RIT2: variants seen among roughly 807,000 people sequenced by gnomAD.
RIT2 encodes Ras like without CAAX 2.
Under a neutral mutation model 23.7 loss-of-function variants are expected in RIT2, and 24 were observed. That is an observed-to-expected ratio of 1.01 (90% CI 0.73 to 1.43). The LOEUF (loss-of-function observed/expected upper bound fraction) is 1.43, where lower values mean the gene tolerates loss of function less well. Among genes scored for constraint, RIT2 ranks in the 40% most tolerant of loss-of-function variants. The pLI, the probability that RIT2 is intolerant of heterozygous loss-of-function variation, is 0.00. For missense variants in RIT2, 236 were observed against 266.9 expected, an observed-to-expected ratio of 0.88 and a Z score of 0.81; for synonymous variants, 107 against 91.1, an observed-to-expected ratio of 1.17 and a Z score of -0.99.
intron 4 of RIT2, among the ~76,000 whole-genome samples, chr18:42,799,749 T>C (rs1057294686): frequency 6.6e-6 from 1 of 152,228 alleles, no homozygotes; most frequent in African/African-American, 2.4e-5. Context: ...GGTTTTACTT[T>C]ACTTTCTCAT....
intron 1 of RIT2, among the ~76,000 whole-genome samples, chr18:43,060,690 A>T (rs1244672581): frequency 6.6e-6 from 1 of 152,188 alleles, no homozygotes; most frequent in Non-Finnish European, 1.5e-5. Flanking sequence ...CACCCCAGTC[A>T]TCCAAAGATC....
chr18:42,921,463 C>T (rs866612511), intron 4 of RIT2, among the ~76,000 whole-genome samples: 2 of 152,092 alleles, frequency 1.3e-5, no homozygotes, highest in Non-Finnish European at 2.9e-5. Context: ...ATTCACTTCA[C>T]TGCTAATCTG....
At chr18:43,114,068 C>T (rs961131788) in intron 1 of RIT2, among the ~76,000 whole-genome samples, 4 of 152,040 alleles carry the variant, frequency 2.6e-5, no homozygotes, top group African/African-American at 2.4e-5. Flanking sequence ...TGATTCCTTC[C>T]TTCTCAAATC....
At chr18:42,751,892 A>G (rs1294584248) in intron 4 of RIT2, among the ~76,000 whole-genome samples, 1 of 152,074 alleles carries the variant, frequency 6.6e-6, no homozygotes, top group Non-Finnish European at 1.5e-5. Context: ...AAATACCAAA[A>G]GTGAAAGCAT....
intron 1 of RIT2, among the ~76,000 whole-genome samples, chr18:43,110,288 T>G (rs1014293770): frequency 2.0e-5 from 3 of 151,900 alleles, no homozygotes; most frequent in African/African-American, 7.3e-5. Context: ...AAAAAATCAG[T>G]AAAATAAAAA....
chr18:42,818,249 T>C (rs536986562), intron 4 of RIT2, among the ~76,000 whole-genome samples: 2 of 152,170 alleles, frequency 1.3e-5, no homozygotes, highest in East Asian at 3.9e-4. Context: ...GTTAAAATAT[T>C]GATGCCTAGA....
chr18:42,831,938 C>A (rs1053763987), intron 4 of RIT2, among the ~76,000 whole-genome samples: 6 of 152,176 alleles, frequency 3.9e-5, no homozygotes, highest in South Asian at 2.1e-4. Context: ...GCTTCTAGAG[C>A]AGTTACTTGG....
chr18:42,859,954 C>G (rs1175132129), intron 4 of RIT2, among the ~76,000 whole-genome samples: 1 of 151,316 alleles, frequency 6.6e-6, no homozygotes, highest in Non-Finnish European at 1.5e-5. Context: ...TTCAGAGCCC[C>G]TCTACACATT....
intron 2 of RIT2, among the ~76,000 whole-genome samples, chr18:42,974,992 G>A (rs1910446818): frequency 6.6e-6 from 1 of 152,042 alleles, no homozygotes; most frequent in Non-Finnish European, 1.5e-5. Flanking sequence ...AGTTAATGCT[G>A]AGTTAAATGG....
intron 4 of RIT2, among the ~76,000 whole-genome samples, chr18:42,781,256 T>A (rs1298657016): frequency 6.6e-6 from 1 of 152,184 alleles, no homozygotes; most frequent in Non-Finnish European, 1.5e-5. Context: ...CTTTTCAATT[T>A]ATATATTCTA....
chr18:43,013,253 TTTAAGA>T (rs1352072096), intron 2 of RIT2, among the ~76,000 whole-genome samples: 1 of 151,896 alleles, frequency 6.6e-6, no homozygotes, highest in African/African-American at 2.4e-5. Context: ...GTTATAGTAC[TTTAAGA>T]TTAACCACAA....
chr18:42,749,069 T>C (rs1403803270), intron 4 of RIT2, among the ~76,000 whole-genome samples: 1 of 151,938 alleles, frequency 6.6e-6, no homozygotes, highest in East Asian at 1.9e-4. Context: ...ACTTGGAACA[T>C]TTATAAAAAT....
intron 1 of RIT2, among the ~76,000 whole-genome samples, chr18:43,087,699 C>T (rs1376869602): frequency 6.6e-6 from 1 of 152,128 alleles, no homozygotes; most frequent in Non-Finnish European, 1.5e-5. Context: ...AGTCTGAGGG[C>T]ATTTGTGTAA....
intron 4 of RIT2, among the ~76,000 whole-genome samples, chr18:42,829,622 T>A (rs16976999): frequency 0.051 from 7,808 of 152,130 alleles, 612 homozygotes; most frequent in East Asian, 0.32. Context: ...TCTCTCAAAT[T>A]AACACCACCT....
In RIT2 at chr18:42,992,032, C is replaced by T. The variant is rs138487763; in HGVS notation, c.161-17885G>A. Among the ~76,000 whole-genome samples the T allele has an allele frequency of 4.2e-3, 644 of 152,002 alleles. 4 individuals are homozygous for T. Among genetic ancestry groups the T allele is most frequent in the African/African-American group, 0.013 (526 of 41,456 alleles). ...TCTGTGCCCCAACCCCTTATTTCCA[C>T]GCCTCAACCCCTTTCCCATTTTTCT... is the stretch of plus-strand genomic sequence containing the variant. On this transcript the variant is annotated intron_variant, in intron 2 of 4. Transcript: ENST00000326695.
chr18:43,111,573 G>A (rs977813727), intron 1 of RIT2, among the ~76,000 whole-genome samples: 2 of 151,976 alleles, frequency 1.3e-5, no homozygotes, highest in Non-Finnish European at 2.9e-5. Context: ...ATATATACAT[G>A]TATAAAATAT....
intron 1 of RIT2, among the ~76,000 whole-genome samples, chr18:43,035,364 A>T (rs1911950011): frequency 1.3e-5 from 2 of 152,194 alleles, no homozygotes; most frequent in South Asian, 4.1e-4. Flanking sequence ...TCAGGTAAAC[A>T]AACTGAAAGC....
intron 4 of RIT2, among the ~76,000 whole-genome samples, chr18:42,865,371 G>A (rs1219803543): frequency 2.0e-5 from 3 of 152,144 alleles, no homozygotes; most frequent in Non-Finnish European, 4.4e-5. Context: ...CAGATAGATT[G>A]AATTTAATTT....
chr18:43,097,109 T>C (rs1329729877), intron 1 of RIT2, among the ~76,000 whole-genome samples: 3 of 152,082 alleles, frequency 2.0e-5, no homozygotes, highest in Admixed American at 6.6e-5. Flanking sequence ...CAGCATCATG[T>C]AGACTAGGGA....
Sources: gnomAD v4.1 joint callset for allele counts (sites outside exome capture counted in the v4.1 genomes callset) on GRCh38, gnomAD v4.1.1 for gene constraint, MANE v1.5 for transcripts, NCBI Gene and HGNC (gene_info 2026-07-23, HGNC 2026-07-21) for gene names.